PRKN: variants seen among roughly 807,000 people sequenced by gnomAD.
PRKN encodes the protein E3 ubiquitin-protein ligase parkin.
In PRKN, 56 loss-of-function variants were observed where a neutral mutation model predicts 59.5. That is an observed-to-expected ratio of 0.94 (90% CI 0.76 to 1.18). PRKN has a LOEUF of 1.18. Ranked by LOEUF, PRKN falls within the 50% of genes most tolerant of loss-of-function variation. PRKN has a pLI of 0.00. For missense variants in PRKN, 657 were observed against 596.4 expected (o/e 1.10, Z -1.06); for synonymous variants, 250 against 222.1 (o/e 1.13, Z -1.12).
chr6:162,027,985 TA>T (rs924182870), intron 5 of PRKN, among the ~76,000 whole-genome samples: 7 of 150,642 alleles, frequency 4.6e-5, no homozygotes, highest in African/African-American at 9.7e-5. Context: ...ATTGCCAGGA[TA>T]AAAAAAAATC....
At chr6:161,871,496 T>C (rs999810621) in intron 6 of PRKN, among the ~76,000 whole-genome samples, 100 of 152,274 alleles carry the variant, frequency 6.6e-4, no homozygotes, top group African/African-American at 2.4e-3. Context: ...ATGAGGATGT[T>C]GCACTCTACT....
intron 1 of PRKN, among the ~76,000 whole-genome samples, chr6:162,486,984 CA>C: frequency 6.6e-6 from 1 of 152,052 alleles, no homozygotes; most frequent in East Asian, 1.9e-4. Flanking sequence ...GCAGGAGAAT[CA>C]TTTGAACCTA....
intron 11 of PRKN, 40 bp from the exon 12 acceptor site, chr6:161,350,251 C>A: frequency 1.4e-6 from 2 of 1,431,238 alleles, no homozygotes; most frequent in Non-Finnish European, 2.0e-6. Context: ...GGGTTCGCAG[C>A]AAGTACCTGG....
rs193196241 is a variant in PRKN at position 161,356,338 on chromosome 6, G to A, written c.1285+3750C>T. On this transcript the variant is annotated intron_variant, in intron 11 of 11. Coordinates refer to ENST00000366898, the MANE Select transcript of PRKN (RefSeq NM_004562.3). The surrounding 1 kb of genome is among the most constrained non-coding windows in gnomAD (Gnocchi z 7.8). ...AGCTGGGGTAAGATCTGAAGGACAGGAAGGAGCCAGCCATGGGCAGTGACG... is the reference window on the plus strand; with the variant it reads ...AGCTGGGGTAAGATCTGAAGGACAGAAAGGAGCCAGCCATGGGCAGTGACG... Among the ~76,000 whole-genome samples the A allele has an allele frequency of 6.6e-6, 1 of 152,310 alleles. No individual in the cohort carries two copies. The highest frequency in any genetic ancestry group is 1.5e-5 in the Non-Finnish European group (1 of 68,034).
chr6:162,391,057 C>T (rs758225253), intron 2 of PRKN, among the ~76,000 whole-genome samples: 17 of 152,176 alleles, frequency 1.1e-4, no homozygotes, highest in Non-Finnish European at 1.6e-4. Context: ...TGAAACTTCG[C>T]TGTAAACTCA....
chr6:161,938,967 T>C (rs1779452943), intron 6 of PRKN, among the ~76,000 whole-genome samples: 1 of 152,244 alleles, frequency 6.6e-6, no homozygotes, highest in South Asian at 2.1e-4. Flanking sequence ...CTTTGATGTG[T>C]TCATTTATAT....
chr6:161,664,229 T>C (rs905510464), intron 7 of PRKN, among the ~76,000 whole-genome samples: 124 of 152,212 alleles, frequency 8.1e-4, no homozygotes, highest in African/African-American at 2.9e-3. Context: ...CGAGCACTTT[T>C]CAGGGAAAAA....
chr6:161,812,398 G>GA (rs1338472204), intron 6 of PRKN, among the ~76,000 whole-genome samples: 3 of 151,596 alleles, frequency 2.0e-5, no homozygotes, highest in East Asian at 1.9e-4. Context: ...CCAAAAGGGG[G>GA]AAAAAAAACT....
At chr6:162,212,353 A>G (rs925908495) in intron 3 of PRKN, among the ~76,000 whole-genome samples, 2 of 150,074 alleles carry the variant, frequency 1.3e-5, no homozygotes, top group East Asian at 4.0e-4. Flanking sequence ...CCTTCAACCA[A>G]AAAGAATGTT....
intron 5 of PRKN, among the ~76,000 whole-genome samples, chr6:162,018,159 T>G (rs2128273914): frequency 1.3e-5 from 2 of 152,308 alleles, no homozygotes; most frequent in South Asian, 4.1e-4. Flanking sequence ...CCCAAGTAGC[T>G]GAGACTACAG....
chr6:162,401,978 A>C (rs1294620601), intron 2 of PRKN, among the ~76,000 whole-genome samples: 2 of 152,074 alleles, frequency 1.3e-5, no homozygotes, highest in Admixed American at 6.6e-5. Context: ...TGCCGGGTGA[A>C]GTGGCTCATC....
rs142432202 is a variant in PRKN at position 161,388,134 on chromosome 6, A to G, written c.1084-1257T>C. ...GAGTTGTGGATCAGCAGTGGAACAC[A>G]CCAGACTGGAGTCATCATCCCATCC... On this transcript the variant is annotated intron_variant, in intron 9 of 11. Coordinates refer to ENST00000366898, the MANE Select transcript of PRKN (RefSeq NM_004562.3). This position sits in a 1 kb window ranked among gnomAD's most constrained non-coding sequence, Gnocchi z 4.3. Among the ~76,000 whole-genome samples, 295 of 152,306 alleles carry G rather than the reference A, an allele frequency of 1.9e-3. No individual in the cohort carries two copies. Among genetic ancestry groups the G allele is most frequent in the Middle Eastern group, 0.01 (3 of 294 alleles).
chr6:161,367,256 C>G (rs930534267), intron 10 of PRKN, among the ~76,000 whole-genome samples: 36 of 152,004 alleles, frequency 2.4e-4, no homozygotes, highest in African/African-American at 8.7e-4. Context: ...GCTGGGATTA[C>G]AGGCGTGAGC....
intron 5 of PRKN, among the ~76,000 whole-genome samples, chr6:161,981,915 G>C (rs962662837): frequency 6.6e-6 from 1 of 152,188 alleles, no homozygotes. Flanking sequence ...TCTAGATGAT[G>C]TGCAAAGTTT....
At chr6:162,323,209 C>T (rs1018381383) in intron 2 of PRKN, among the ~76,000 whole-genome samples, 3 of 151,348 alleles carry the variant, frequency 2.0e-5, no homozygotes, top group South Asian at 2.1e-4. Context: ...CACATGTACC[C>T]TAAAACTTAA....
At chr6:161,521,457 T>G (rs913580428) in intron 9 of PRKN, among the ~76,000 whole-genome samples, 2 of 152,184 alleles carry the variant, frequency 1.3e-5, no homozygotes, top group Non-Finnish European at 2.9e-5. Context: ...AAAGATACAG[T>G]GGTTGCCCTG....
chr6:161,539,875 A>G lies in PRKN; in HGVS notation c.1083+8979T>C, dbSNP rs376807944. Among the ~76,000 whole-genome samples the G allele has an allele frequency of 8.5e-5, 13 of 152,348 alleles. No individual in the cohort carries two copies. In the East Asian group the frequency reaches 9.6e-4, roughly 11 times the overall value. ...TGTGTATTAAAAGTGATTCCGTATCAGGACACGGATTGACCTTACTCTTCA... is the reference window on the plus strand; with the variant it reads ...TGTGTATTAAAAGTGATTCCGTATCGGGACACGGATTGACCTTACTCTTCA... On this transcript the variant is annotated intron_variant, in intron 9 of 11. Coordinates refer to ENST00000366898, the MANE Select transcript of PRKN (RefSeq NM_004562.3).
intron 7 of PRKN, among the ~76,000 whole-genome samples, chr6:161,686,905 T>C (rs1174606130): frequency 6.6e-6 from 1 of 152,242 alleles, no homozygotes; most frequent in East Asian, 1.9e-4. Context: ...ACCTTGGAGC[T>C]GGAGTTGTTT....
chr6:161,452,979 G>A (rs11969972), intron 9 of PRKN, among the ~76,000 whole-genome samples: 20,674 of 151,836 alleles, frequency 0.14, 1,753 homozygotes, highest in African/African-American at 0.23. Flanking sequence ...CCATCTCAAG[G>A]TCACGTCAGG....
Sources: gnomAD v4.1 joint callset for allele counts (sites outside exome capture counted in the v4.1 genomes callset) on GRCh38, gnomAD v4.1.1 for gene constraint, Gnocchi (gnomAD v3.1) non-coding constraint, MANE v1.5 for transcripts, NCBI Gene and HGNC (gene_info 2026-07-23, HGNC 2026-07-21) for gene names.